Variants in ANKS1B observed in about 807,000 individuals in gnomAD.
The protein encoded by ANKS1B is ankyrin repeat and sterile alpha motif domain containing 1B, also known as ankyrin repeat and sterile alpha motif domain-containing protein 1B.
A neutral mutation model predicts 148.3 loss-of-function variants in ANKS1B; 36 were observed. That is an observed-to-expected ratio of 0.24 (90% CI 0.19 to 0.32). The LOEUF is 0.32. ANKS1B is among the 10% of genes least tolerant of loss of function. The pLI, the probability that ANKS1B is intolerant of heterozygous loss-of-function variation, is 1.00. For synonymous variants in ANKS1B, 542 were observed against 560.8 expected, an observed-to-expected ratio of 0.97 and a Z score of 0.47; for missense variants, 1,157 against 1,542.6, an observed-to-expected ratio of 0.75 and a Z score of 4.19.
intron 17 of ANKS1B, 150 bp downstream of exon 17, chr12:99,053,007 A>T: frequency 1.5e-6 from 1 of 674,364 alleles, no homozygotes; most frequent in South Asian, 4.0e-5. Flanking sequence ...TCAAAAGACA[A>T]TGACTCTGGA....
chr12:99,256,437 C>G (rs1184866716), intron 12 of ANKS1B, among the ~76,000 whole-genome samples: 1 of 152,002 alleles, frequency 6.6e-6, no homozygotes, highest in East Asian at 1.9e-4. Context: ...TTTATTCAGA[C>G]CATTTTTAAA....
At chr12:99,178,955 A>G (rs1184489605) in intron 14 of ANKS1B, among the ~76,000 whole-genome samples, 1 of 152,256 alleles carries the variant, frequency 6.6e-6, no homozygotes, top group East Asian at 1.9e-4. Flanking sequence ...TAATAAAAAT[A>G]ATGCTTTAGC....
intron 12 of ANKS1B, among the ~76,000 whole-genome samples, chr12:99,288,468 T>G (rs1177228096): frequency 1.3e-5 from 2 of 152,120 alleles, no homozygotes; most frequent in Non-Finnish European, 2.9e-5. Context: ...AGAAAACATC[T>G]GAACATACAA....
At chr12:99,761,149 T>C (rs995465193) in intron 8 of ANKS1B, among the ~76,000 whole-genome samples, 1 of 150,430 alleles carries the variant, frequency 6.6e-6, no homozygotes, top group African/African-American at 2.4e-5. Flanking sequence ...GTATTAATTC[T>C]GCTGAAACTA....
chr12:98,864,168 T>C (rs536586667), intron 17 of ANKS1B, among the ~76,000 whole-genome samples: 102 of 152,238 alleles, frequency 6.7e-4, no homozygotes, highest in African/African-American at 2.4e-3. Flanking sequence ...ATTTTGTTTA[T>C]TGATACATAA....
intron 12 of ANKS1B, among the ~76,000 whole-genome samples, chr12:99,366,871 A>G (rs1369257498): frequency 6.6e-6 from 1 of 152,190 alleles, no homozygotes; most frequent in Non-Finnish European, 1.5e-5. Flanking sequence ...GCCAAAAAAA[A>G]TCATCATAAA....
intron 14 of ANKS1B, among the ~76,000 whole-genome samples, chr12:99,214,406 A>G (rs1437135124): frequency 1.3e-5 from 2 of 152,104 alleles, no homozygotes; most frequent in Admixed American, 6.6e-5. Flanking sequence ...GGGACCCAGT[A>G]GGAGGTAATT....
At chr12:99,380,125 C>T (rs2093576058) in intron 12 of ANKS1B, among the ~76,000 whole-genome samples, 1 of 152,198 alleles carries the variant, frequency 6.6e-6, no homozygotes, top group Admixed American at 6.5e-5. Flanking sequence ...TAATTACAAG[C>T]TCAGAGGTCT....
At chr12:99,637,672 A>G (rs1405460801) in intron 9 of ANKS1B, among the ~76,000 whole-genome samples, 1 of 151,976 alleles carries the variant, frequency 6.6e-6, no homozygotes, top group African/African-American at 2.4e-5. Context: ...GCCCTCAAAC[A>G]TCAGACTTCA....
At chr12:99,333,673 T>C (rs2088037323) in intron 12 of ANKS1B, among the ~76,000 whole-genome samples, 1 of 151,982 alleles carries the variant, frequency 6.6e-6, no homozygotes, top group Non-Finnish European at 1.5e-5. Flanking sequence ...TCTTTGGTTG[T>C]TTCTCAACCC....
At chr12:99,664,777 T>C (rs1423727524) in intron 8 of ANKS1B, among the ~76,000 whole-genome samples, 1 of 152,222 alleles carries the variant, frequency 6.6e-6, no homozygotes, top group East Asian at 1.9e-4. Context: ...ACTTTATGTT[T>C]GGCATAAGTT....
chr12:99,695,609 T>C (rs2053772512), intron 8 of ANKS1B, among the ~76,000 whole-genome samples: 3 of 152,184 alleles, frequency 2.0e-5, no homozygotes, highest in Admixed American at 1.3e-4. Context: ...AAATAAGATA[T>C]GCCACTTAAA....
chr12:99,209,442 T>C (rs2083076268), intron 14 of ANKS1B, among the ~76,000 whole-genome samples: 1 of 152,178 alleles, frequency 6.6e-6, no homozygotes, highest in South Asian at 2.1e-4. Context: ...TATCTGCCTG[T>C]GGACTGGACT....
intron 15 of ANKS1B, among the ~76,000 whole-genome samples, chr12:99,087,197 C>T (rs1246197630): frequency 6.6e-6 from 1 of 152,222 alleles, no homozygotes; most frequent in Non-Finnish European, 1.5e-5. Context: ...TAACATCTTT[C>T]CCTGGACAGG....
At chr12:99,353,052 C>G (rs1197719355) in intron 12 of ANKS1B, among the ~76,000 whole-genome samples, 1 of 151,994 alleles carries the variant, frequency 6.6e-6, no homozygotes, top group Non-Finnish European at 1.5e-5. Flanking sequence ...GTACACAAAA[C>G]TGAATCACAT....
intron 1 of ANKS1B, among the ~76,000 whole-genome samples, chr12:99,894,329 G>A (rs11110094): frequency 0.034 from 2,613 of 77,412 alleles, 98 homozygotes; most frequent in African/African-American, 0.098. Context: ...GGGAGGGAGG[G>A]AAAGAAAAGA....
intron 17 of ANKS1B, among the ~76,000 whole-genome samples, chr12:98,888,058 G>C (rs967920735): frequency 3.9e-5 from 6 of 152,124 alleles, no homozygotes; most frequent in Non-Finnish European, 8.8e-5. Context: ...TACTGCTAAA[G>C]GTGGTTATTT....
intron 9 of ANKS1B, among the ~76,000 whole-genome samples, chr12:99,565,483 C>T (rs1450901408): frequency 6.6e-6 from 1 of 152,134 alleles, no homozygotes; most frequent in Non-Finnish European, 1.5e-5. Context: ...AAAGGAGTCA[C>T]AGGGGTCACT....
chr12:98,766,316 C>T (rs747739920), intron 25 of ANKS1B, among the ~76,000 whole-genome samples: 2 of 152,120 alleles, frequency 1.3e-5, no homozygotes, highest in Non-Finnish European at 2.9e-5. Context: ...CATTGGAATG[C>T]GATGCTGTCT....
Sources: gnomAD v4.1 joint callset for allele counts (sites outside exome capture counted in the v4.1 genomes callset) on GRCh38, gnomAD v4.1.1 for gene constraint, MANE v1.5 for transcripts, NCBI Gene and HGNC (gene_info 2026-07-23, HGNC 2026-07-21) for gene names.